EEF1D: variants seen among roughly 807,000 people sequenced by gnomAD.
The protein encoded by EEF1D is elongation factor 1-delta.
Under a neutral mutation model 63.9 loss-of-function variants are expected in EEF1D, and 47 were observed. That is an observed-to-expected ratio of 0.74 (90% CI 0.58 to 0.94). The LOEUF is 0.94. EEF1D is among the 40% of genes least tolerant of loss of function. The probability of loss-of-function intolerance (pLI) is 0.00; values close to 1 mark genes in which losing one functional copy is unlikely to be tolerated. For synonymous variants in EEF1D, 412 were observed against 386.1 expected (o/e 1.07, Z -0.79); for missense variants, 907 against 899.0 (o/e 1.01, Z -0.11).
intron 5 of EEF1D, among the ~76,000 whole-genome samples, chr8:143,585,584 C>G (rs917864156): frequency 3.3e-5 from 5 of 152,224 alleles, no homozygotes; most frequent in Non-Finnish European, 7.3e-5. Context: ...CAGGACACCA[C>G]CCCGTCCCGG....
intron 1 of EEF1D, among the ~76,000 whole-genome samples, chr8:143,594,793 C>G (rs976889992): frequency 2.6e-5 from 4 of 152,328 alleles, no homozygotes; most frequent in African/African-American, 9.6e-5. Context: ...CCAAAGGGCG[C>G]GACGACTAGC....
chr8:143,592,742 C>T lies in EEF1D; in HGVS notation c.-14-82G>A, dbSNP rs551941424. On this transcript the variant is annotated intron_variant, in intron 1 of 9. Coordinates refer to ENST00000618139, the MANE Select transcript of EEF1D (RefSeq NM_001130053.5). ...GGTCAGACACAGCAGCAGGTCAGCC[C>T]GGGGCGGCCGGGGGCCTTTCCAGAA... 1.6e-5 allele frequency: 16 copies of T among 981,304 alleles called. No homozygotes were observed. In the South Asian group the frequency reaches 4.2e-4, roughly 26 times the overall value. The allele number at this position is 981,304 out of a possible 1,614,324, so 60.8% of individuals were successfully genotyped here. A position where few individuals can be genotyped will look rare whatever the true frequency, so the allele number is the denominator to read the frequency against.
At chr8:143,592,549 A>C in intron 2 of EEF1D, 98 bp downstream of exon 2, 24 of 910,832 alleles carry the variant, frequency 2.6e-5, no homozygotes, top group Non-Finnish European at 2.9e-5. Context: ...AGACTGGGCC[A>C]TGCGCAGGTG....
Position 143,589,460 on chromosome 8 carries a change from G to T in EEF1D, c.622C>A (p.Leu208Met). 1 of 1,527,982 alleles carries T rather than the reference G, an allele frequency of 6.5e-7. No homozygotes were observed. The highest frequency in any genetic ancestry group is 8.8e-7 in the Non-Finnish European group (1 of 1,133,842). The allele number at this position is 1,527,982 out of a possible 1,614,324, so 94.7% of individuals were successfully genotyped here. Residue 208 changes from leucine (L) to methionine (M), a missense_variant, in exon 3 of 10, where the codon CTG (leucine) becomes ATG (methionine). Transcript: ENST00000618139. ...ACCGGTGGGCTGGGCTGGTGGGCCA[G>T]GTCGGGGACGGCCACCTGCTGGCCT... ...NTGQQVAVPD[L>M]AHQPSPPVNG...
chr8:143,588,598 C>T (rs1010904167), intron 3 of EEF1D, among the ~76,000 whole-genome samples: 11 of 152,180 alleles, frequency 7.2e-5, no homozygotes, highest in African/African-American at 1.4e-4. Flanking sequence ...CGCAGGGGAG[C>T]GCTAGGGCCA....
chr8:143,596,512 G>C (rs916450287), intron 1 of EEF1D: 2 of 152,354 alleles, frequency 1.3e-5, no homozygotes, highest in Admixed American at 6.5e-5. Context: ...TGACGGGGTG[G>C]GCGGAGCTGT....
chr8:143,586,144 A>G, intron 5 of EEF1D, 75 bp downstream of exon 5: 1 of 1,426,944 alleles, frequency 7.0e-7, no homozygotes, highest in Non-Finnish European at 9.6e-7. Context: ...CAAAACAACC[A>G]GCAGCATCAG....
intron 2 of EEF1D, chr8:143,592,198 C>G: frequency 1.0e-6 from 1 of 985,478 alleles, no homozygotes. Context: ...CCCCACCAGT[C>G]TCTCTGCTCC....
intron 2 of EEF1D, among the ~76,000 whole-genome samples, chr8:143,592,410 G>A (rs766086385): frequency 9.2e-5 from 14 of 151,916 alleles, no homozygotes; most frequent in Non-Finnish European, 1.5e-4. Context: ...GGAGCCGCAT[G>A]TCAGCTGCTG....
rs565977881 is a variant in EEF1D, at chr8:143,591,490, T to G, written c.-1+1157A>C. 1.8e-3 allele frequency among the ~76,000 whole-genome samples: 277 copies of G among 152,334 alleles called. 3 individuals are homozygous for G. The highest frequency in any genetic ancestry group is 6.5e-3 in the African/African-American group (271 of 41,584). The stretch of plus-strand genomic sequence containing the variant: ...TCAGCACCCCAGCCCGCGCTCAGCC[T>G]GCGATAGCTTCCTCCCCAGCCATGC... On this transcript the variant is annotated intron_variant, in intron 2 of 9. Transcript: ENST00000618139.
chr8:143,581,293 T>TCC lies in EEF1D; in HGVS notation c.1321_1322dup (p.Asp442GlufsTer38). The TCC allele has an allele frequency of 6.2e-7, 1 of 1,612,172 alleles. No homozygotes were observed. The highest frequency in any genetic ancestry group is 8.5e-7 in the Non-Finnish European group (1 of 1,179,992). The stretch of plus-strand genomic sequence containing the variant: ...TCCGGACGACGAGCTCACCGTGGTC[T>TCC]CCGCTGGTGCCGCTGGAGGCCCCGG... On this transcript the variant is annotated frameshift_variant, in exon 6 of 10. Transcript: ENST00000618139. LOFTEE classifies it high-confidence loss of function.
Position 143,596,138 on chromosome 8 carries a change from G to A in EEF1D, c.-15+1210C>T, listed in dbSNP as rs1158254068. 5.9e-5 allele frequency: 9 copies of A among 152,516 alleles called. No homozygotes were observed. In the East Asian group the frequency reaches 1.7e-3, roughly 29 times the overall value. The allele number at this position is 152,516 out of a possible 1,614,324, so 9.4% of individuals were successfully genotyped here. Reference sequence around the variant, plus strand: ...CAGCAACCCGGGAGCAAAGCCCAGAGGGCCTAGTCCTCCAGAGGAGGCGGG... The same window carrying A: ...CAGCAACCCGGGAGCAAAGCCCAGAAGGCCTAGTCCTCCAGAGGAGGCGGG... On this transcript the variant is annotated intron_variant, in intron 1 of 9. Transcript: ENST00000618139.
intron 8 of EEF1D, 52 bp downstream of exon 8, chr8:143,580,454 G>C (rs1212669376): frequency 6.3e-7 from 1 of 1,578,422 alleles, no homozygotes; most frequent in African/African-American, 1.3e-5. Flanking sequence ...AGCCGGCTAG[G>C]CGGGCACCAG....
In EEF1D at chr8:143,587,050, T is replaced by G. The variant is rs1023904830; in HGVS notation, c.1092-198A>C. The G allele has an allele frequency of 4.7e-6, 3 of 634,236 alleles. No homozygotes were observed. The African/African-American group carries it at 5.6e-5, about 12-fold the overall frequency. The allele number at this position is 634,236 out of a possible 1,614,324, so 39.3% of individuals were successfully genotyped here. ...TCTTCCAGACGAGGAGTTCTCAAAG[T>G]GTGGTCCGAGAACCTCTGAGGGTCC... On this transcript the variant is annotated intron_variant, in intron 3 of 9. Transcript: ENST00000618139.
At position 143,580,693 on chromosome 8, in the gene EEF1D, G is replaced by A. The variant is rs1189364836; in HGVS notation, c.1523C>T (p.Ala508Val). 1.9e-6 allele frequency: 3 copies of A among 1,613,758 alleles called. No homozygotes were observed. Among genetic ancestry groups the A allele is most frequent in the Admixed American group, 1.7e-5 (1 of 60,028 alleles). Residue 508 changes from alanine (A) to valine (V), a missense_variant, in exon 8 of 10, where the codon GCC (alanine) becomes GTC (valine). Ala to Val is a moderately conservative substitution (Grantham distance 64, BLOSUM62 0). Transcript: ENST00000618139. ...CTCTGCTGGTGTGGCTGGCTTCTTG[G>A]CTGGGGGCTCCACTTGGCGCATGGG... The part of the protein sequence containing the change: ...VSPMRQVEPP[A>V]KKPATPAEDD...
intron 5 of EEF1D, among the ~76,000 whole-genome samples, chr8:143,584,737 G>A (rs886239431): frequency 6.6e-6 from 1 of 151,968 alleles, no homozygotes; most frequent in African/African-American, 2.4e-5. Context: ...GCTGTTGGTA[G>A]GAATAGGGAT....
rs201252964 is a variant in EEF1D at position 143,580,580 on chromosome 8, G to A, written c.1636C>T (p.Arg546Trp). Residue 546 changes from arginine to tryptophan, a missense_variant, in exon 8 of 10, where the codon CGG becomes TGG. Arg to Trp is a moderately radical substitution (Grantham distance 101). Transcript: ENST00000618139. The stretch of plus-strand genomic sequence containing the variant: ...TTGGCCTTCTTCTCCGCGTACTGCC[G>A]TAGCCGCTCCTCCCGCAGCTGTGCC... ...EAAQLREERL[R>W]QYAEKKAKKP... is the part of the protein sequence containing the mutation. 8.7e-6 allele frequency: 14 copies of A among 1,613,296 alleles called. No individual in the cohort carries two copies. The highest frequency in any genetic ancestry group is 6.7e-5 in the African/African-American group (5 of 74,928).
At chr8:143,582,932 G>A (rs894408647) in intron 5 of EEF1D, 1 of 152,286 alleles carries the variant, frequency 6.6e-6, no homozygotes, top group African/African-American at 2.4e-5. Flanking sequence ...CTGCAGTTCT[G>A]AAACCCCAGT....
chr8:143,579,897 CTCT>C, intron 9 of EEF1D, 67 bp from the exon 10 acceptor site: 1 of 1,541,720 alleles, frequency 6.5e-7, no homozygotes, highest in East Asian at 2.3e-5. Context: ...CAGGAGCCTC[CTCT>C]GAGGTGGGGT....
Sources: gnomAD v4.1 joint callset for allele counts (sites outside exome capture counted in the v4.1 genomes callset) on GRCh38, gnomAD v4.1.1 for gene constraint, MANE v1.5 for transcripts, NCBI Gene and HGNC (gene_info 2026-07-23, HGNC 2026-07-21) for gene names.